Variants in NFXL1 observed in about 807,000 individuals in gnomAD.
NFXL1 encodes the protein NF-X1-type zinc finger protein NFXL1.
A neutral mutation model predicts 123.3 loss-of-function variants in NFXL1; 66 were observed. The ratio of observed to expected loss-of-function variants is 0.54; its 90% CI spans 0.44 to 0.66. The LOEUF (loss-of-function observed/expected upper bound fraction) is 0.66, where lower values mean the gene tolerates loss of function less well. Among genes scored for constraint, NFXL1 ranks in the 30% least tolerant of loss-of-function variants. The pLI is 0.00. For missense variants in NFXL1, 944 were observed against 1,125.6 expected, an observed-to-expected ratio of 0.84 and a Z score of 2.31; for synonymous variants, 346 against 360.8, an observed-to-expected ratio of 0.96 and a Z score of 0.46.
intron 15 of NFXL1, among the ~76,000 whole-genome samples, chr4:47,883,244 G>C (rs1246669717): frequency 7.0e-6 from 1 of 142,386 alleles, no homozygotes; most frequent in Non-Finnish European, 1.5e-5. Context: ...CCGTCTCAAA[G>C]AAAAAAAAAC....
chr4:47,851,994 G>T, intron 20 of NFXL1, 52 bp from the exon 21 acceptor site: 2 of 1,290,960 alleles, frequency 1.5e-6, no homozygotes, highest in Non-Finnish European at 2.2e-6. Flanking sequence ...TCAAAGACCT[G>T]TCTGCCATAA....
chr4:47,884,789 G>A (rs1014054476), intron 14 of NFXL1, among the ~76,000 whole-genome samples: 4 of 152,016 alleles, frequency 2.6e-5, no homozygotes, highest in African/African-American at 9.7e-5. Context: ...TTGTTCCTCA[G>A]CACCTAAAAA....
Position 47,888,041 on chromosome 4 carries a change from C to T in NFXL1, c.1544-2042G>A, listed in dbSNP as rs926546111. Among the ~76,000 whole-genome samples the T allele has an allele frequency of 9.2e-5, 14 of 151,972 alleles. 1 individual carries two copies. In the South Asian group the frequency reaches 2.3e-3, roughly 25 times the overall value. On this transcript the variant is annotated intron_variant, in intron 12 of 22. Coordinates refer to ENST00000507489, the MANE Select transcript of NFXL1 (RefSeq NM_001278624.2). The stretch of plus-strand genomic sequence containing the variant: ...CTGTAATCCCAGCACTTTGGGAGGC[C>T]GAAGCAGGCAGATCACGAGGTCAGG...
intron 15 of NFXL1, among the ~76,000 whole-genome samples, chr4:47,881,427 G>C (rs1473625190): frequency 6.6e-6 from 1 of 152,098 alleles, no homozygotes; most frequent in Non-Finnish European, 1.5e-5. Flanking sequence ...TCACTGTTGT[G>C]AGAATGCAAA....
chr4:47,851,030 C>A (rs1734088533), intron 22 of NFXL1, 65 bp downstream of exon 22: 2 of 1,190,992 alleles, frequency 1.7e-6, no homozygotes, highest in Admixed American at 3.4e-5. Flanking sequence ...GGAATATACC[C>A]CGTGTTTGCA....
At chr4:47,878,970 G>A (rs59766953) in intron 16 of NFXL1, 126 bp downstream of exon 16, 12,825 of 631,850 alleles carry the variant, frequency 0.02, 190 homozygotes, top group Non-Finnish European at 0.025. Context: ...ATAAACTCTT[G>A]TACTCTTTAT....
chr4:47,879,505 A>G (rs987448092), intron 15 of NFXL1, among the ~76,000 whole-genome samples: 1 of 152,180 alleles, frequency 6.6e-6, no homozygotes, highest in African/African-American at 2.4e-5. Context: ...TTTATTTCCA[A>G]TTTGATCCAG....
intron 12 of NFXL1, among the ~76,000 whole-genome samples, chr4:47,887,724 C>T (rs1736525146): frequency 6.6e-6 from 1 of 152,092 alleles, no homozygotes; most frequent in South Asian, 2.1e-4. Context: ...TGTTATCAAA[C>T]GTAACCTTTT....
intron 3 of NFXL1, among the ~76,000 whole-genome samples, chr4:47,909,499 T>C (rs1737725628): frequency 6.6e-6 from 1 of 152,092 alleles, no homozygotes; most frequent in Admixed American, 6.6e-5. Flanking sequence ...CCCAAAATAT[T>C]TGTAAGGTTT....
intron 15 of NFXL1, among the ~76,000 whole-genome samples, chr4:47,881,061 T>C (rs1736085973): frequency 6.6e-6 from 1 of 152,038 alleles, no homozygotes; most frequent in Non-Finnish European, 1.5e-5. Flanking sequence ...ATAAAACTAC[T>C]GTTATCTATT....
intron 18 of NFXL1, among the ~76,000 whole-genome samples, chr4:47,873,065 T>C (rs1459101611): frequency 6.6e-6 from 1 of 152,252 alleles, no homozygotes; most frequent in African/African-American, 2.4e-5. Flanking sequence ...TCACCAGGAA[T>C]AGATTCCACT....
intron 2 of NFXL1, among the ~76,000 whole-genome samples, chr4:47,912,985 C>T (rs2110112601): frequency 7.3e-6 from 1 of 136,194 alleles, no homozygotes; most frequent in Non-Finnish European, 1.5e-5. Context: ...TGCACTCCAG[C>T]CTGGGCGACC....
chr4:47,853,867 A>AT (rs1373144903), intron 20 of NFXL1, among the ~76,000 whole-genome samples: 1 of 152,120 alleles, frequency 6.6e-6, no homozygotes, highest in Non-Finnish European at 1.5e-5. Flanking sequence ...ATGAAGAGCC[A>AT]TTGAAGAATT....
chr4:47,905,303 A>T lies in NFXL1; in HGVS notation c.450T>A (p.Asn150Lys), dbSNP rs144169475. 1.7e-3 allele frequency: 2,787 copies of T among 1,602,574 alleles called. 83 individuals carry two copies. In the Admixed American group the frequency reaches 0.044, roughly 25 times the overall value. ...RELERTKQYV[N>K]EAFQAGAMTC... Reference sequence around the variant, plus strand: ...TCATAGCCCCTGCTTGAAAAGCTTCATTTACATATTGTTTTGTTCGCTCTA... The same window carrying T: ...TCATAGCCCCTGCTTGAAAAGCTTCTTTTACATATTGTTTTGTTCGCTCTA... Residue 150 changes from asparagine (N) to lysine (K), a missense_variant, in exon 4 of 23, where the codon AAT (asparagine) becomes AAA (lysine). By Grantham distance (94) the Asn-to-Lys change is moderately conservative (BLOSUM62 0). Coordinates refer to ENST00000507489, the MANE Select transcript of NFXL1 (RefSeq NM_001278624.2).
rs889530706 is a variant in NFXL1 at position 47,863,413 on chromosome 4, C to T, written c.2247-498G>A. 3.3e-5 allele frequency among the ~76,000 whole-genome samples: 5 copies of T among 152,208 alleles called. 1 individual carries two copies. The highest frequency in any genetic ancestry group is 7.4e-5 in the Non-Finnish European group (5 of 67,996). On this transcript the variant is annotated intron_variant, in intron 18 of 22. Transcript: ENST00000507489. ...TAATTCACTTTAGGCCAGGTACAGT[C>T]GCTCTAACCTGTAATCCCAGCACTT...
rs59656813 is a variant in NFXL1, at chr4:47,881,400, GCAA to G, written c.1917-2286_1917-2284del. 3.2e-3 allele frequency among the ~76,000 whole-genome samples: 493 copies of G among 152,124 alleles called. 2 individuals carry two copies. The highest frequency in any genetic ancestry group is 0.01 in the African/African-American group (430 of 41,520). The stretch of plus-strand genomic sequence containing the variant: ...TACCACATGTTGGTGAGAATAAAGA[GCAA>G]CAACAATTCTCACTCACTGTTGTGA... On this transcript the variant is annotated intron_variant, in intron 15 of 22. Transcript: ENST00000507489.
chr4:47,862,781 A>C, intron 19 of NFXL1, 65 bp downstream of exon 19: 1 of 946,332 alleles, frequency 1.1e-6, no homozygotes, highest in Non-Finnish European at 1.7e-6. Flanking sequence ...CCAAACAAGA[A>C]AAAAGAAAAT....
intron 2 of NFXL1, among the ~76,000 whole-genome samples, chr4:47,911,566 G>A (rs1737829312): frequency 6.6e-6 from 1 of 152,088 alleles, no homozygotes; most frequent in South Asian, 2.1e-4. Context: ...AGAACTTTTT[G>A]CCTTTATTAT....
chr4:47,914,010 C>T lies in NFXL1; in HGVS notation c.194G>A (p.Ser65Asn). ...ATTAAAGSRH[S>N]PAGSQALQTT... ...CTGCAGGGCTTGGGATCCTGCGGGGCTGTGCCTGCTCCCTGCAGCCGCCGT... is the reference window on the plus strand; with the variant it reads ...CTGCAGGGCTTGGGATCCTGCGGGGTTGTGCCTGCTCCCTGCAGCCGCCGT... Residue 65 changes from serine to asparagine, a missense_variant, in exon 2 of 23, where the codon AGC becomes AAC. Transcript: ENST00000507489. 6.5e-7 allele frequency: 1 copy of T among 1,548,410 alleles called. No individual in the cohort carries two copies. Among genetic ancestry groups the T allele is most frequent in the Admixed American group, 2.0e-5 (1 of 51,008 alleles).
Sources: gnomAD v4.1 joint callset for allele counts (sites outside exome capture counted in the v4.1 genomes callset) on GRCh38, gnomAD v4.1.1 for gene constraint, MANE v1.5 for transcripts, NCBI Gene and HGNC (gene_info 2026-07-23, HGNC 2026-07-21) for gene names.